Variants in ALPK1 observed in about 807,000 individuals in gnomAD.
The protein encoded by ALPK1 is alpha kinase 1.
In ALPK1, 110 loss-of-function variants were observed where a neutral mutation model predicts 120.6. The ratio of observed to expected loss-of-function variants is 0.91; its 90% confidence interval spans 0.78 to 1.07. The LOEUF (loss-of-function observed/expected upper bound fraction) is 1.07. ALPK1 is among the 50% of genes least tolerant of loss of function. The pLI, the probability that ALPK1 is intolerant of heterozygous loss-of-function variation, is 0.00. For missense variants in ALPK1, 1,498 were observed against 1,483.9 expected (o/e 1.01, Z -0.16); for synonymous variants, 582 against 560.3 (o/e 1.04, Z -0.55).
At chr4:112,391,814 T>C (rs1732432265) in intron 4 of ALPK1, among the ~76,000 whole-genome samples, 1 of 152,212 alleles carries the variant, frequency 6.6e-6, no homozygotes, top group Non-Finnish European at 1.5e-5. Flanking sequence ...TATATTCTTT[T>C]AAATCACCCA....
intron 2 of ALPK1, chr4:112,357,710 G>A: frequency 6.4e-7 from 1 of 1,556,532 alleles, no homozygotes; most frequent in Non-Finnish European, 8.9e-7. Flanking sequence ...GCGTTTGACA[G>A]ACGGTTTTCC....
At chr4:112,299,133 T>C (rs1261459873) in intron 1 of ALPK1, among the ~76,000 whole-genome samples, 1 of 151,216 alleles carries the variant, frequency 6.6e-6, no homozygotes, top group Non-Finnish European at 1.5e-5. Flanking sequence ...GGGGAGTCTT[T>C]GTTTCTTGTT....
intron 2 of ALPK1, among the ~76,000 whole-genome samples, chr4:112,325,374 A>T (rs1450548802): frequency 6.6e-6 from 1 of 152,336 alleles, no homozygotes; most frequent in South Asian, 2.1e-4. Flanking sequence ...GTCAGACTTA[A>T]ACAGTTCCTT....
At chr4:112,323,510 G>A (rs1728957263) in intron 2 of ALPK1, among the ~76,000 whole-genome samples, 1 of 152,120 alleles carries the variant, frequency 6.6e-6, no homozygotes, top group Non-Finnish European at 1.5e-5. Context: ...CATTATTGGT[G>A]CCACAAATCT....
intron 2 of ALPK1, chr4:112,357,565 G>A: frequency 7.4e-7 from 1 of 1,343,340 alleles, no homozygotes; most frequent in Non-Finnish European, 1.1e-6. Context: ...TGGCACACTG[G>A]CCCCCGGGTC....
At chr4:112,361,835 T>G (rs1730928125) in intron 2 of ALPK1, among the ~76,000 whole-genome samples, 1 of 152,242 alleles carries the variant, frequency 6.6e-6, no homozygotes, top group Non-Finnish European at 1.5e-5. Flanking sequence ...CTGAGTCCAC[T>G]TCATTCCCCT....
chr4:112,377,965 G>C, intron 3 of ALPK1, 67 bp downstream of exon 3: 2 of 1,496,946 alleles, frequency 1.3e-6, no homozygotes, highest in Non-Finnish European at 1.8e-6. Flanking sequence ...CTGCCTGAAC[G>C]ACACGTTCTT....
intron 2 of ALPK1, among the ~76,000 whole-genome samples, chr4:112,332,266 A>G (rs1729415807): frequency 6.6e-6 from 1 of 152,204 alleles, no homozygotes; most frequent in Admixed American, 6.5e-5. Context: ...TTGCCTGTAT[A>G]ATACTGAAAG....
At chr4:112,361,256 G>A (rs932215008) in intron 2 of ALPK1, among the ~76,000 whole-genome samples, 4 of 152,194 alleles carry the variant, frequency 2.6e-5, no homozygotes, top group Admixed American at 2.0e-4. Flanking sequence ...TGGGACAGCC[G>A]AGGAACTGTG....
At chr4:112,360,236 G>C (rs1730853495) in intron 2 of ALPK1, among the ~76,000 whole-genome samples, 1 of 152,054 alleles carries the variant, frequency 6.6e-6, no homozygotes, top group Admixed American at 6.5e-5. Flanking sequence ...CATCCATGTT[G>C]TTGCAGATGA....
At chr4:112,367,239 T>C (rs1731201438) in intron 2 of ALPK1, among the ~76,000 whole-genome samples, 1 of 152,234 alleles carries the variant, frequency 6.6e-6, no homozygotes, top group South Asian at 2.1e-4. Flanking sequence ...TATGAAACAG[T>C]GTATACACGG....
At chr4:112,324,978 G>C (rs561643931) in intron 2 of ALPK1, among the ~76,000 whole-genome samples, 42 of 141,100 alleles carry the variant, frequency 3.0e-4, no homozygotes, top group African/African-American at 6.4e-4. Flanking sequence ...AAAAAAAGGG[G>C]GGGGGGGGCA....
intron 2 of ALPK1, among the ~76,000 whole-genome samples, chr4:112,338,224 C>A (rs1729708576): frequency 6.6e-6 from 1 of 152,206 alleles, no homozygotes; most frequent in Non-Finnish European, 1.5e-5. Flanking sequence ...ACTTTGGCCT[C>A]CCCAAGTGCT....
intron 2 of ALPK1, among the ~76,000 whole-genome samples, chr4:112,328,068 TA>T (rs935270247): frequency 2.0e-5 from 3 of 152,176 alleles, no homozygotes; most frequent in Admixed American, 6.5e-5. Context: ...CGAACTTGGA[TA>T]GGGGGAATAT....
At chr4:112,356,284 C>T in intron 2 of ALPK1, 1 of 1,098,702 alleles carries the variant, frequency 9.1e-7, no homozygotes, top group Non-Finnish European at 1.4e-6. Context: ...CGCTGTGCCT[C>T]CTGTGCACCA....
chr4:112,438,757 T>C (rs935208458), intron 13 of ALPK1, 111 bp downstream of exon 13: 1 of 1,219,708 alleles, frequency 8.2e-7, no homozygotes, highest in Non-Finnish European at 1.2e-6. Context: ...CAAACTATCC[T>C]TGTGTGTTGT....
chr4:112,392,873 C>A (rs1392335283), intron 4 of ALPK1, among the ~76,000 whole-genome samples: 1 of 152,184 alleles, frequency 6.6e-6, no homozygotes, highest in South Asian at 2.1e-4. Context: ...TAACTCTAGT[C>A]ACATTCCCTG....
intron 12 of ALPK1, 111 bp from the exon 13 acceptor site, chr4:112,438,373 G>T: frequency 1.0e-6 from 1 of 999,990 alleles, no homozygotes; most frequent in Non-Finnish European, 1.5e-6. Flanking sequence ...CTAAGGCAGA[G>T]AAAGAGATCT....
At chr4:112,396,019 AT>A (rs754409842) in intron 4 of ALPK1, among the ~76,000 whole-genome samples, 1 of 152,148 alleles carries the variant, frequency 6.6e-6, no homozygotes, top group African/African-American at 2.4e-5. Context: ...CATTTGGAAC[AT>A]TTTTTTAAAT....
Sources: allele counts gnomAD v4.1 joint callset (sites outside exome capture counted in the v4.1 genomes callset), GRCh38; gene constraint gnomAD v4.1.1; transcripts MANE v1.5; gene names NCBI Gene and HGNC (gene_info 2026-07-23, HGNC 2026-07-21).